The following PTPRCAP variants were observed in gnomAD, a reference collection of about 807,000 sequenced individuals.
PTPRCAP encodes the protein protein tyrosine phosphatase receptor type C-associated protein.
For missense variants in PTPRCAP, 294 were observed against 285.5 expected (o/e 1.03, Z -0.22); for synonymous variants, 136 against 135.8 (o/e 1.00, Z -0.01).
intron 1 of PTPRCAP, 123 bp from the exon 2 acceptor site, chr11:67,436,473 G>A (rs933070019): frequency 4.3e-5 from 50 of 1,159,770 alleles, no homozygotes; most frequent in Non-Finnish European, 5.7e-5. Flanking sequence ...GGACAGCCAA[G>A]CAGAAAAGGC....
At position 67,436,320 on chromosome 11, in the gene PTPRCAP, G is replaced by C; in HGVS notation, c.34C>G (p.Leu12Val). 7.3e-6 allele frequency: 11 copies of C among 1,511,700 alleles called. No homozygotes were observed. The highest frequency in any genetic ancestry group is 9.7e-6 in the Non-Finnish European group (11 of 1,132,174). 93.6% of individuals were successfully genotyped at this position (1,511,700 alleles called of 1,614,324 possible). Residue 12 changes from leucine to valine, a missense_variant, in exon 2 of 2, where the codon CTG becomes GTG. Transcript: ENST00000326294. ...CCCAAGGCCCCTGGCAGGGCCAGCA[G>C]CATCCCGAGCCCTAAGGTGCAGGGC... ...ALPCTLGLGM[L>V]LALPGALGSG... is the part of the protein sequence containing the mutation.
chr11:67,437,671 C>T lies in PTPRCAP; in HGVS notation c.-52G>A, dbSNP rs772801423. 23 of 1,350,862 alleles carry T rather than the reference C, an allele frequency of 1.7e-5. No individual in the cohort carries two copies. The highest frequency in any genetic ancestry group is 4.0e-4 in the Middle Eastern group (2 of 5,036). The allele number at this position is 1,350,862 out of a possible 1,614,324, so 83.7% of individuals were successfully genotyped here. A position where few individuals can be genotyped will look rare whatever the true frequency, so the allele number is the denominator to read the frequency against. ...CACCCACCTCCAGCTCTGGCTGTGT[C>T]GAGCGAGAAGTGAGCTCAGTGCTCG... is the stretch of plus-strand genomic sequence containing the variant. On this transcript the variant is annotated 5_prime_UTR_variant, in exon 1 of 2. Coordinates refer to ENST00000326294, the MANE Select transcript of PTPRCAP (RefSeq NM_005608.3).
intron 1 of PTPRCAP, chr11:67,436,602 C>G (rs1015949433): frequency 2.4e-6 from 1 of 413,606 alleles, no homozygotes; most frequent in Non-Finnish European, 4.3e-6. Flanking sequence ...CTGGGGCCTT[C>G]GCACTGGCTG....
chr11:67,436,433 T>A (rs780598948), intron 1 of PTPRCAP, 83 bp from the exon 2 acceptor site: 9 of 1,387,104 alleles, frequency 6.5e-6, no homozygotes, highest in Non-Finnish European at 7.5e-6. Context: ...CCAAGACCAC[T>A]TTCGTTTTTT....
Position 67,435,799 on chromosome 11 carries a change from G to A in PTPRCAP, c.555C>T (p.Gly185=). The A allele has an allele frequency of 1.3e-6, 2 of 1,593,740 alleles. No individual in the cohort carries two copies. Among genetic ancestry groups the A allele is most frequent in the Non-Finnish European group, 1.7e-6 (2 of 1,170,344 alleles). ...ALLSDLHAFA[G]SAAWDDSARA... ...TGGCGCTGTCATCCCAGGCTGCGCT[G>A]CCAGCAAAGGCGTGCAGGTCACTCA... Residue 185 remains glycine, a synonymous_variant, in exon 2 of 2, where the codon GGC becomes GGT. Coordinates refer to ENST00000326294, the MANE Select transcript of PTPRCAP (RefSeq NM_005608.3).
Position 67,435,685 on chromosome 11 carries a change from C to T in PTPRCAP, c.*48G>A, listed in dbSNP as rs377743059. ...GCCATGGCATCTTGGGAAGCAGAGGCACGGGGAGTGAGCGGCTGTGACAGG... is the reference window on the plus strand; with the variant it reads ...GCCATGGCATCTTGGGAAGCAGAGGTACGGGGAGTGAGCGGCTGTGACAGG... On this transcript the variant is annotated 3_prime_UTR_variant, in exon 2 of 2. Coordinates refer to ENST00000326294, the MANE Select transcript of PTPRCAP (RefSeq NM_005608.3). The T allele has an allele frequency of 5.1e-5, 76 of 1,496,884 alleles. No individual in the cohort carries two copies. The highest frequency in any genetic ancestry group is 1.8e-4 in the Middle Eastern group (1 of 5,498). The allele number at this position is 1,496,884 out of a possible 1,614,324, so 92.7% of individuals were successfully genotyped here. A position where few individuals can be genotyped will look rare whatever the true frequency, so the allele number is the denominator to read the frequency against.
Position 67,436,112 on chromosome 11 carries a change from A to G in PTPRCAP, c.242T>C (p.Leu81Pro). 6.2e-7 allele frequency: 1 copy of G among 1,602,142 alleles called. No individual in the cohort carries two copies. Among genetic ancestry groups the G allele is most frequent in the Non-Finnish European group, 8.5e-7 (1 of 1,174,462 alleles). The change falls in exon 2 of 2, where the codon CTG becomes CCG. Residue 81 changes from leucine to proline, a missense_variant. Transcript: ENST00000326294. ...GAALWGRTRR[L>P]LWASPPGRWL... ...GCGACCTGGGGGGCTGGCCCAGAGC[A>G]GGCGCCGCGTGCGGCCCCACAGCGC...
rs761732400 is a variant in PTPRCAP at position 67,436,225 on chromosome 11, G to GAGCAGC, written c.123_128dup (p.Leu45_Leu46dup). 3 of 1,545,678 alleles carry GAGCAGC rather than the reference G, an allele frequency of 1.9e-6. No homozygotes were observed. The African/African-American group carries it at 4.1e-5, about 21-fold the overall frequency. Reference sequence around the variant, plus strand: ...GTGCTAGGCCAGTGGCCAGCAGTAGGAGCAGCAGCAGCAGCAGGACAACGG... The same window carrying GAGCAGC: ...GTGCTAGGCCAGTGGCCAGCAGTAGGAGCAGCAGCAGCAGCAGCAGCAGGACAACGG... On this transcript the variant is annotated inframe_insertion, in exon 2 of 2. Coordinates refer to ENST00000326294, the MANE Select transcript of PTPRCAP (RefSeq NM_005608.3).
At position 67,437,637 on chromosome 11, in the gene PTPRCAP, C is replaced by A; in HGVS notation, c.-18G>T. 13 of 1,366,890 alleles carry A rather than the reference C, an allele frequency of 9.5e-6. No homozygotes were observed. The highest frequency in any genetic ancestry group is 2.1e-5 in the South Asian group (1 of 47,742). 84.7% of individuals were successfully genotyped at this position (1,366,890 alleles called of 1,614,324 possible). A position where few individuals can be genotyped will look rare whatever the true frequency, so the allele number is the denominator to read the frequency against. On this transcript the variant is annotated 5_prime_UTR_variant, in exon 1 of 2. Transcript: ENST00000326294. ...CTTACCATTGGTCCGCAGGCCCCTC[C>A]GTGCCGGGCACCCACCTCCAGCTCT...
intron 1 of PTPRCAP, chr11:67,436,571 C>A (rs779213114): frequency 1.5e-5 from 7 of 471,500 alleles, no homozygotes; most frequent in Non-Finnish European, 2.5e-5. Flanking sequence ...CCTCCCCCAA[C>A]AGCTGCATTA....
chr11:67,435,829 G>A lies in PTPRCAP; in HGVS notation c.525C>T (p.Ala175=). 6.2e-7 allele frequency: 1 copy of A among 1,606,258 alleles called. No individual in the cohort carries two copies. Among genetic ancestry groups the A allele is most frequent in the Non-Finnish European group, 8.5e-7 (1 of 1,177,580 alleles). Residue 175 remains alanine, a synonymous_variant, in exon 2 of 2, where the codon GCC becomes GCT. Transcript: ENST00000326294. ...CAAAGGCGTGCAGGTCACTCAGCAG[G>A]GCCTCAGCACTGCCCCCTGCGCTCG... The part of the protein sequence containing the change: ...GPASAGGSAE[A]LLSDLHAFAG...
chr11:67,437,655 C>G lies in PTPRCAP; in HGVS notation c.-36G>C. On this transcript the variant is annotated 5_prime_UTR_variant, in exon 1 of 2. Coordinates refer to ENST00000326294, the MANE Select transcript of PTPRCAP (RefSeq NM_005608.3). ...GCCCCTCCGTGCCGGGCACCCACCTCCAGCTCTGGCTGTGTCGAGCGAGAA... is the reference window on the plus strand; with the variant it reads ...GCCCCTCCGTGCCGGGCACCCACCTGCAGCTCTGGCTGTGTCGAGCGAGAA... The G allele has an allele frequency of 7.4e-7, 1 of 1,359,110 alleles. No individual in the cohort carries two copies. The highest frequency in any genetic ancestry group is 2.2e-5 in the South Asian group (1 of 45,976). 84.2% of individuals were successfully genotyped at this position (1,359,110 alleles called of 1,614,324 possible). A position where few individuals can be genotyped will look rare whatever the true frequency, so the allele number is the denominator to read the frequency against.
intron 1 of PTPRCAP, chr11:67,436,602 C>T (rs1015949433): frequency 4.4e-5 from 18 of 413,606 alleles, no homozygotes; most frequent in Non-Finnish European, 2.6e-5. Context: ...CTGGGGCCTT[C>T]GCACTGGCTG....
rs1176123611 is a variant in PTPRCAP, at chr11:67,436,312, G to A, written c.42C>T (p.Ala14=). The A allele has an allele frequency of 5.3e-6, 8 of 1,518,650 alleles. No individual in the cohort carries two copies. In the East Asian group the frequency reaches 1.7e-4, roughly 32 times the overall value. 94.1% of individuals were successfully genotyped at this position (1,518,650 alleles called of 1,614,324 possible). ...CACCCGAGCCCAAGGCCCCTGGCAG[G>A]GCCAGCAGCATCCCGAGCCCTAAGG... ...PCTLGLGMLL[A]LPGALGSGGS... Residue 14 remains alanine (A), a synonymous_variant, in exon 2 of 2, where the codon GCC becomes GCT. Coordinates refer to ENST00000326294, the MANE Select transcript of PTPRCAP (RefSeq NM_005608.3).
At position 67,435,567 on chromosome 11, in the gene PTPRCAP, C is replaced by T; in HGVS notation, c.*166G>A. 1 of 1,047,204 alleles carries T rather than the reference C, an allele frequency of 9.5e-7. No individual in the cohort carries two copies. Among genetic ancestry groups the T allele is most frequent in the Non-Finnish European group, 1.3e-6 (1 of 753,908 alleles). 64.9% of individuals were successfully genotyped at this position (1,047,204 alleles called of 1,614,324 possible). On this transcript the variant is annotated 3_prime_UTR_variant, in exon 2 of 2. Coordinates refer to ENST00000326294, the MANE Select transcript of PTPRCAP (RefSeq NM_005608.3). ...GCCTGATGCCTGTGGTTGGGGGGGGCCGTTCCCGTGGTGAGCGGGGTACAC... is the reference window on the plus strand; with the variant it reads ...GCCTGATGCCTGTGGTTGGGGGGGGTCGTTCCCGTGGTGAGCGGGGTACAC...
rs765879641 is a variant in PTPRCAP at position 67,437,630 on chromosome 11, GC to G, written c.-12del. ...TCCGAGGCTTACCATTGGTCCGCAG[GC>G]CCCTCCGTGCCGGGCACCCACCTCC... On this transcript the variant is annotated 5_prime_UTR_variant, in exon 1 of 2. Transcript: ENST00000326294. 2 of 1,364,664 alleles carry G rather than the reference GC, an allele frequency of 1.5e-6. No homozygotes were observed. Among genetic ancestry groups the G allele is most frequent in the East Asian group, 2.8e-5 (1 of 36,246 alleles). 84.5% of individuals were successfully genotyped at this position (1,364,664 alleles called of 1,614,324 possible).
At chr11:67,437,577 T>C in intron 1 of PTPRCAP, 40 bp downstream of exon 1, 1 of 1,343,606 alleles carries the variant, frequency 7.4e-7, no homozygotes, top group Non-Finnish European at 9.6e-7. Context: ...CGACCGCCTG[T>C]GGCCCCCATC....
rs1345428626 is a variant in PTPRCAP, at chr11:67,436,110, G to A, written c.244C>T (p.Leu82Phe). Residue 82 changes from leucine (L) to phenylalanine (F), a missense_variant, in exon 2 of 2, where the codon CTC (leucine) becomes TTC (phenylalanine). By Grantham distance (22) the Leu-to-Phe change is conservative. Coordinates refer to ENST00000326294, the MANE Select transcript of PTPRCAP (RefSeq NM_005608.3). ...AALWGRTRRL[L>F]WASPPGRWLQ... is the part of the protein sequence containing the mutation. ...CAGCGACCTGGGGGGCTGGCCCAGA[G>A]CAGGCGCCGCGTGCGGCCCCACAGC... The A allele has an allele frequency of 3.1e-6, 5 of 1,603,032 alleles. No individual in the cohort carries two copies. The highest frequency in any genetic ancestry group is 4.3e-6 in the Non-Finnish European group (5 of 1,175,026).
At chr11:67,437,323 C>T (rs948678491) in intron 1 of PTPRCAP, 12 of 353,380 alleles carry the variant, frequency 3.4e-5, no homozygotes, top group Non-Finnish European at 5.6e-5. Flanking sequence ...CCACCCCAGG[C>T]TGTCCGCCCA....
Sources: allele counts gnomAD v4.1 joint callset, GRCh38; gene constraint gnomAD v4.1.1; transcripts MANE v1.5; gene names NCBI Gene and HGNC (gene_info 2026-07-23, HGNC 2026-07-21).